MAPT: variants seen among roughly 807,000 people sequenced by gnomAD.
MAPT encodes the protein microtubule associated protein tau, also known as microtubule-associated protein tau.
In MAPT, 34 loss-of-function variants were observed where a neutral mutation model predicts 67.9. The observed-to-expected ratio is 0.50, with a 90% confidence interval of 0.38 to 0.67. The LOEUF (loss-of-function observed/expected upper bound fraction) is 0.67, where lower values mean the gene tolerates loss of function less well. Among genes scored for constraint, MAPT ranks in the 30% least tolerant of loss-of-function variants. MAPT has a pLI of 0.00. For synonymous variants in MAPT, 456 were observed against 464.5 expected, an observed-to-expected ratio of 0.98 and a Z score of 0.23; for missense variants, 881 against 1,115.2, an observed-to-expected ratio of 0.79 and a Z score of 2.99.
chr17:45,965,069 C>G (rs2070903092), intron 2 of MAPT, among the ~76,000 whole-genome samples: 2 of 152,110 alleles, frequency 1.3e-5, no homozygotes, highest in Non-Finnish European at 2.9e-5. Context: ...GTTCTCTCAC[C>G]AGGTGCCTGG....
At position 45,996,974 on chromosome 17, in the gene MAPT, G is replaced by C. The variant is rs2145839200; in HGVS notation, c.1998+310G>C. The stretch of plus-strand genomic sequence containing the variant: ...CCCTGTTAATCGGACAGAGATGGCA[G>C]GGCTGTGTCTCCACGGCCGGAGGCT... On this transcript the variant is annotated intron_variant, in intron 9 of 12. Transcript: ENST00000262410. The surrounding 1 kb of genome is among the most constrained non-coding windows in gnomAD (Gnocchi z 4.5). Among the ~76,000 whole-genome samples the C allele has an allele frequency of 6.6e-6, 1 of 152,346 alleles. No individual in the cohort carries two copies. Among genetic ancestry groups the C allele is most frequent in the African/African-American group, 2.4e-5 (1 of 41,576 alleles).
At chr17:45,985,149 C>A (rs1057020727) in intron 5 of MAPT, among the ~76,000 whole-genome samples, 2 of 151,876 alleles carry the variant, frequency 1.3e-5, no homozygotes, top group Admixed American at 6.6e-5. Flanking sequence ...ACTAAAATTA[C>A]AAAAAATTAG....
Position 45,896,674 on chromosome 17 carries a change from G to T in MAPT, c.-18+1988G>T, listed in dbSNP as rs2063258287. The T allele has an allele frequency of 1.3e-5, 2 of 152,306 alleles. No homozygotes were observed. The highest frequency in any genetic ancestry group is 4.8e-5 in the African/African-American group (2 of 41,446). 9.4% of individuals were successfully genotyped at this position (152,306 alleles called of 1,614,324 possible). A position where few individuals can be genotyped will look rare whatever the true frequency, so the allele number is the denominator to read the frequency against. ...AACCCCCGCGCCTGAGGCTGTTTCT[G>T]ATTGGCCCCTGGAGGCCGCAGACAC... On this transcript the variant is annotated intron_variant, in intron 1 of 12. Coordinates refer to ENST00000262410, the MANE Select transcript of MAPT (RefSeq NM_001377265.1). The surrounding 1 kb of genome is among the most constrained non-coding windows in gnomAD (Gnocchi z 5.6).
Position 46,026,081 on chromosome 17 carries a change from G to C in MAPT, c.*1910G>C, listed in dbSNP as rs886053041. 17 of 102,346 alleles carry C rather than the reference G, an allele frequency of 1.7e-4. No individual in the cohort carries two copies. The highest frequency in any genetic ancestry group is 8.1e-4 in the Admixed American group (7 of 8,664). The allele number at this position is 102,346 out of a possible 1,614,324, so 6.3% of individuals were successfully genotyped here. A position where few individuals can be genotyped will look rare whatever the true frequency, so the allele number is the denominator to read the frequency against. On this transcript the variant is annotated 3_prime_UTR_variant, in exon 13 of 13. Coordinates refer to ENST00000262410, the MANE Select transcript of MAPT (RefSeq NM_001377265.1). The stretch of plus-strand genomic sequence containing the variant: ...TGGATTCACCAGAGTGACTATGATA[G>C]TGAAAAGAAAAAAAAAAAAAAAAAA...
At chr17:45,986,116 T>C (rs2073511744) in intron 5 of MAPT, among the ~76,000 whole-genome samples, 1 of 152,182 alleles carries the variant, frequency 6.6e-6, no homozygotes, top group Admixed American at 6.5e-5. Context: ...AAGGCTGATG[T>C]TGTCTGTGGG....
intron 9 of MAPT, among the ~76,000 whole-genome samples, chr17:46,003,122 G>GT (rs1332564487): frequency 6.6e-6 from 1 of 150,756 alleles, no homozygotes; most frequent in Non-Finnish European, 1.5e-5. Flanking sequence ...GTGTGTGTGT[G>GT]GGCGCACTCT....
chr17:46,003,314 T>C (rs2075163556), intron 9 of MAPT, among the ~76,000 whole-genome samples: 1 of 151,550 alleles, frequency 6.6e-6, no homozygotes, highest in Non-Finnish European at 1.5e-5. Context: ...AGTCTCACTC[T>C]GTCACCCAGG....
intron 1 of MAPT, among the ~76,000 whole-genome samples, chr17:45,902,264 T>C (rs779665759): frequency 3.6e-4 from 55 of 152,108 alleles, no homozygotes; most frequent in Non-Finnish European, 4.6e-4. Flanking sequence ...AGGGATGGGG[T>C]ATCGCCATGT....
Position 45,989,939 on chromosome 17 carries a change from C to T in MAPT, c.1469C>T (p.Pro490Leu). The change falls in exon 7 of 13, where the codon CCC becomes CTC. Residue 490 changes from proline to leucine, a missense_variant. This residue lies in a region of MAPT where 687 missense variants were observed against 766.1 expected (regional missense o/e 0.90). Coordinates refer to ENST00000262410, the MANE Select transcript of MAPT (RefSeq NM_001377265.1). ...KNRPCLSPKH[P>L]TPGSSDPLIQ... is the part of the protein sequence containing the mutation. The stretch of plus-strand genomic sequence containing the variant: ...AGGCCTTGCCTTAGCCCCAAACACC[C>T]CACTCCTGGTAGCTCAGACCCTCTG... 6.2e-7 allele frequency: 1 copy of T among 1,614,180 alleles called. No individual in the cohort carries two copies.
intron 9 of MAPT, among the ~76,000 whole-genome samples, chr17:45,997,627 G>C (rs1252258536): frequency 6.6e-6 from 1 of 152,246 alleles, no homozygotes; most frequent in East Asian, 1.9e-4. Flanking sequence ...CGTGGTGGTG[G>C]TGCGCGCCTA....
chr17:45,955,324 A>T (rs1284106352), intron 1 of MAPT, among the ~76,000 whole-genome samples: 1 of 152,308 alleles, frequency 6.6e-6, no homozygotes, highest in East Asian at 1.9e-4. Flanking sequence ...TCTCAAATAC[A>T]CTTCTTGGCT....
At chr17:46,020,091 CCA>C (rs2076431635) in intron 12 of MAPT, among the ~76,000 whole-genome samples, 1 of 151,796 alleles carries the variant, frequency 6.6e-6, no homozygotes, top group Non-Finnish European at 1.5e-5. Context: ...GTGGACATCC[CCA>C]GTCAGCTGTG....
chr17:45,946,739 C>G (rs1450547322), intron 1 of MAPT, among the ~76,000 whole-genome samples: 1 of 150,222 alleles, frequency 6.7e-6, no homozygotes, highest in East Asian at 1.9e-4. Context: ...CCAGTAGTTA[C>G]AATGGAGGAG....
At chr17:45,899,215 C>T (rs1392659424) in intron 1 of MAPT, among the ~76,000 whole-genome samples, 1 of 152,084 alleles carries the variant, frequency 6.6e-6, no homozygotes, top group East Asian at 1.9e-4. Flanking sequence ...TTTCACAACT[C>T]GGGGAGGGTG....
At chr17:45,924,778 C>T (rs555132230) in intron 1 of MAPT, among the ~76,000 whole-genome samples, 26 of 152,356 alleles carry the variant, frequency 1.7e-4, no homozygotes, top group Middle Eastern at 3.4e-3. Flanking sequence ...AGGTAGGACA[C>T]TGCCCTCATG....
chr17:45,912,142 AT>A, intron 1 of MAPT, among the ~76,000 whole-genome samples: 1 of 147,624 alleles, frequency 6.8e-6, no homozygotes, highest in Middle Eastern at 3.5e-3. Flanking sequence ...CTGTCTCCTA[AT>A]AAGGTGTGGT....
At chr17:45,926,547 A>G (rs1487458133) in intron 1 of MAPT, among the ~76,000 whole-genome samples, 1 of 152,180 alleles carries the variant, frequency 6.6e-6, no homozygotes, top group Non-Finnish European at 1.5e-5. Flanking sequence ...TCCTGGGCTC[A>G]AGCTATCCTC....
chr17:45,904,428 C>T lies in MAPT; in HGVS notation c.-18+9742C>T, dbSNP rs771724595. The stretch of plus-strand genomic sequence containing the variant: ...ATATATATATAAATGAGGCCAGGCT[C>T]GGTGGCTCACACTTGTAATCCCAGC... On this transcript the variant is annotated intron_variant, in intron 1 of 12. Coordinates refer to ENST00000262410, the MANE Select transcript of MAPT (RefSeq NM_001377265.1). Among the ~76,000 whole-genome samples, 45 of 107,900 alleles carry T rather than the reference C, an allele frequency of 4.2e-4. 1 individual carries two copies. Among genetic ancestry groups the T allele is most frequent in the Middle Eastern group, 4.5e-3 (1 of 220 alleles). The allele number at this position is 107,900 out of a possible 152,430, so 70.8% of individuals were successfully genotyped here. A position where few individuals can be genotyped will look rare whatever the true frequency, so the allele number is the denominator to read the frequency against.
chr17:45,969,682 A>G (rs1230699056), intron 2 of MAPT, among the ~76,000 whole-genome samples: 2 of 150,148 alleles, frequency 1.3e-5, no homozygotes, highest in African/African-American at 4.9e-5. Flanking sequence ...CCATCCACCC[A>G]TCCCTTCCTT....
Sources: gnomAD v4.1 joint callset for allele counts (sites outside exome capture counted in the v4.1 genomes callset) on GRCh38, gnomAD v4.1.1 for gene constraint, gnomAD v4.1.1 regional missense constraint, Gnocchi (gnomAD v3.1) non-coding constraint, MANE v1.5 for transcripts, NCBI Gene and HGNC (gene_info 2026-07-23, HGNC 2026-07-21) for gene names.